NFAT5: variants seen among roughly 807,000 people sequenced by gnomAD.
NFAT5 encodes the protein nuclear factor of activated T-cells 5.
A neutral mutation model predicts 166.5 loss-of-function variants in NFAT5; 31 were observed. The observed-to-expected ratio is 0.19, with a 90% CI of 0.14 to 0.25. The LOEUF (loss-of-function observed/expected upper bound fraction) is 0.25. Among genes scored for constraint, NFAT5 ranks in the 10% least tolerant of loss-of-function variants. The pLI is 1.00. For missense variants in NFAT5, 1,449 were observed against 1,821.8 expected (o/e 0.80, Z 3.72); for synonymous variants, 612 against 639.7 (o/e 0.96, Z 0.65).
intron 2 of NFAT5, among the ~76,000 whole-genome samples, chr16:69,587,194 G>A (rs2032125550): frequency 6.6e-6 from 1 of 150,780 alleles, no homozygotes; most frequent in African/African-American, 2.4e-5. Context: ...TGATTCTTCT[G>A]CCTCAGCCTC....
rs1284326977 is a variant in NFAT5 at position 69,694,158 on chromosome 16, G to A, written c.4333G>A (p.Gly1445Arg). Residue 1445 changes from glycine to arginine, a missense_variant, in exon 13 of 15, where the codon GGA becomes AGA. This residue lies in a region of NFAT5 where 891 missense variants were observed against 993.0 expected (regional missense o/e 0.90). Transcript: ENST00000349945. ...PQATLFHNTA[G>R]GTMNQLQNSP... ...GGCTACTTTATTTCACAACACAGCA[G>A]GAGGCACAATGAACCAACTGCAGAA... 13 of 1,614,190 alleles carry A rather than the reference G, an allele frequency of 8.1e-6. No homozygotes were observed. The highest frequency in any genetic ancestry group is 1.1e-5 in the Non-Finnish European group (13 of 1,180,040).
intron 1 of NFAT5, among the ~76,000 whole-genome samples, 153 bp from the exon 2 acceptor site, chr16:69,568,342 A>ATGTGTGTGTGTGTGTGTG (rs1490882720): frequency 1.9e-3 from 90 of 47,882 alleles, no homozygotes; most frequent in Non-Finnish European, 2.8e-3. Flanking sequence ...GTGTATATAT[A>ATGTGTGTGTGTGTGTGTG]TATATGTGTG....
At chr16:69,680,814 C>T (rs1235988897) in intron 10 of NFAT5, among the ~76,000 whole-genome samples, 1 of 152,074 alleles carries the variant, frequency 6.6e-6, no homozygotes, top group Admixed American at 6.6e-5. Flanking sequence ...GGCTGGAGTA[C>T]AGTGGCGTGA....
At chr16:69,631,135 A>G (rs1253968616) in intron 3 of NFAT5, among the ~76,000 whole-genome samples, 1 of 152,250 alleles carries the variant, frequency 6.6e-6, no homozygotes. Flanking sequence ...CTTGAACTAA[A>G]CAATGAATTA....
chr16:69,648,289 A>T, intron 4 of NFAT5: 2 of 984,906 alleles, frequency 2.0e-6, no homozygotes, highest in South Asian at 4.7e-5. Context: ...TTGTGTCCTC[A>T]TATGGTTTAC....
intron 2 of NFAT5, among the ~76,000 whole-genome samples, chr16:69,580,757 G>A (rs1472558582): frequency 6.6e-6 from 1 of 151,970 alleles, no homozygotes; most frequent in Admixed American, 6.6e-5. Context: ...CCAGGTTCAC[G>A]CCATTCTCCG....
At chr16:69,618,792 A>G (rs1012627293) in intron 2 of NFAT5, among the ~76,000 whole-genome samples, 1 of 152,188 alleles carries the variant, frequency 6.6e-6, no homozygotes, top group Non-Finnish European at 1.5e-5. Flanking sequence ...AATGTTTAGA[A>G]ATGGATTTTT....
chr16:69,626,034 C>T (rs1288572651), intron 2 of NFAT5, among the ~76,000 whole-genome samples: 1 of 149,944 alleles, frequency 6.7e-6, no homozygotes, highest in Non-Finnish European at 1.5e-5. Flanking sequence ...TCACTGTAGC[C>T]TTGACCTCAA....
chr16:69,684,335 T>C (rs8060543), intron 10 of NFAT5, among the ~76,000 whole-genome samples: 6,424 of 134,192 alleles, frequency 0.048, 487 homozygotes, highest in African/African-American at 0.17. Context: ...CCGAGGCGGG[T>C]GAATCACGAG....
intron 2 of NFAT5, among the ~76,000 whole-genome samples, chr16:69,573,067 C>T (rs1355706649): frequency 6.6e-6 from 1 of 152,102 alleles, no homozygotes; most frequent in Non-Finnish European, 1.5e-5. Flanking sequence ...GGCCTCGATC[C>T]CTTGACCTCA....
At chr16:69,604,329 T>A (rs1397427551) in intron 2 of NFAT5, among the ~76,000 whole-genome samples, 4 of 152,194 alleles carry the variant, frequency 2.6e-5, no homozygotes, top group African/African-American at 9.7e-5. Context: ...CTCAATTGAA[T>A]TTTCTTTTAT....
intron 13 of NFAT5, 139 bp from the exon 14 acceptor site, chr16:69,694,997 A>G: frequency 1.5e-6 from 1 of 664,040 alleles, no homozygotes; most frequent in Non-Finnish European, 2.5e-6. Flanking sequence ...GTAATATACA[A>G]GGAGAATGCA....
chr16:69,663,561 CT>C (rs1312779683), intron 7 of NFAT5, among the ~76,000 whole-genome samples: 4 of 110,306 alleles, frequency 3.6e-5, no homozygotes, highest in Admixed American at 1.0e-4. Context: ...AAACCCATCT[CT>C]TTAAAAAAAA....
At chr16:69,637,402 T>A (rs1221190090) in intron 3 of NFAT5, among the ~76,000 whole-genome samples, 4 of 152,178 alleles carry the variant, frequency 2.6e-5, no homozygotes, top group African/African-American at 9.7e-5. Flanking sequence ...ACCCCACTCC[T>A]GGTACCAGTT....
intron 3 of NFAT5, 124 bp downstream of exon 3, chr16:69,626,652 A>C (rs910827024): frequency 1.4e-6 from 1 of 736,576 alleles, no homozygotes; most frequent in African/African-American, 1.8e-5. Context: ...AAGAGGCATT[A>C]AAATATGTAC....
chr16:69,662,120 A>C (rs966750012), intron 7 of NFAT5, among the ~76,000 whole-genome samples: 1 of 152,182 alleles, frequency 6.6e-6, no homozygotes, highest in South Asian at 2.1e-4. Flanking sequence ...TTATATAAAG[A>C]TACTATACTG....
rs1358981995 is a variant in NFAT5 at position 69,623,313 on chromosome 16, A to T, written c.128-3090A>T. On this transcript the variant is annotated intron_variant, in intron 2 of 14. Transcript: ENST00000349945. ...CTACTCCCTCCATATTGTTTGAAAG[A>T]TGGAAGTAATTTGCTAAAGGCTTTT... 4.0e-5 allele frequency among the ~76,000 whole-genome samples: 6 copies of T among 150,878 alleles called. No homozygotes were observed. In the South Asian group the frequency reaches 1.0e-3, roughly 26 times the overall value.
chr16:69,688,995 C>T (rs562054127), intron 11 of NFAT5, among the ~76,000 whole-genome samples: 3 of 152,256 alleles, frequency 2.0e-5, no homozygotes, highest in South Asian at 2.1e-4. Flanking sequence ...GGTTGTAGGC[C>T]GAGTGTGGTG....
intron 7 of NFAT5, among the ~76,000 whole-genome samples, chr16:69,662,444 CTCTT>C (rs1205052020): frequency 7.1e-6 from 1 of 141,404 alleles, no homozygotes; most frequent in Non-Finnish European, 1.5e-5. Context: ...TAGACAACAC[CTCTT>C]TCTTTTTTTT....
Sources: allele counts gnomAD v4.1 joint callset (sites outside exome capture counted in the v4.1 genomes callset), GRCh38; gene constraint gnomAD v4.1.1; regional missense constraint gnomAD v4.1.1; transcripts MANE v1.5; gene names NCBI Gene and HGNC (gene_info 2026-07-23, HGNC 2026-07-21).